Variants in PKNOX2 observed in about 807,000 individuals in gnomAD.
PKNOX2 encodes homeobox protein PKNOX2.
In PKNOX2, 14 loss-of-function variants were observed where a neutral mutation model predicts 53.1. The observed-to-expected ratio is 0.26, with a 90% CI of 0.17 to 0.41. The LOEUF (loss-of-function observed/expected upper bound fraction) is 0.41, where lower values mean the gene tolerates loss of function less well. Among genes scored for constraint, PKNOX2 ranks in the 10% least tolerant of loss-of-function variants. The probability of loss-of-function intolerance (pLI) is 1.00; values close to 1 mark genes in which losing one functional copy is unlikely to be tolerated. For synonymous variants in PKNOX2, 257 were observed against 242.8 expected, an observed-to-expected ratio of 1.06 and a Z score of -0.54; for missense variants, 496 against 602.8, an observed-to-expected ratio of 0.82 and a Z score of 1.85.
At chr11:125,343,177 T>C (rs1264442779) in intron 3 of PKNOX2, among the ~76,000 whole-genome samples, 2 of 152,012 alleles carry the variant, frequency 1.3e-5, no homozygotes, top group Non-Finnish European at 2.9e-5. Flanking sequence ...AAGTTGAACA[T>C]CACTGGCAAA....
chr11:125,267,987 G>A (rs540951104), intron 2 of PKNOX2, among the ~76,000 whole-genome samples: 1 of 152,346 alleles, frequency 6.6e-6, no homozygotes, highest in South Asian at 2.1e-4. Flanking sequence ...CACAGTATCT[G>A]ACAACTTAAA....
intron 6 of PKNOX2, among the ~76,000 whole-genome samples, chr11:125,391,401 G>A (rs1954044184): frequency 6.6e-6 from 1 of 152,220 alleles, no homozygotes; most frequent in Non-Finnish European, 1.5e-5. Flanking sequence ...CACACTGAGA[G>A]AGGCATTTGA....
intron 2 of PKNOX2, among the ~76,000 whole-genome samples, chr11:125,283,521 C>T (rs188881277): frequency 2.0e-5 from 3 of 152,292 alleles, no homozygotes; most frequent in Admixed American, 2.0e-4. Context: ...GTTTGAACAT[C>T]CAAGTGGAAT....
At chr11:125,315,303 G>GCAAAAA (rs1949087067) in intron 2 of PKNOX2, among the ~76,000 whole-genome samples, 1 of 79,456 alleles carries the variant, frequency 1.3e-5, no homozygotes, top group African/African-American at 3.9e-5. Context: ...TGTGAAGCAG[G>GCAAAAA]AAAAAAAAAA....
chr11:125,409,783 G>A (rs1039850520), intron 7 of PKNOX2, among the ~76,000 whole-genome samples: 13 of 151,976 alleles, frequency 8.6e-5, no homozygotes, highest in African/African-American at 2.2e-4. Flanking sequence ...TTAATAACCC[G>A]GAGCCCATTG....
chr11:125,292,304 G>A (rs1352342965), intron 2 of PKNOX2, among the ~76,000 whole-genome samples: 1 of 152,208 alleles, frequency 6.6e-6, no homozygotes, highest in Non-Finnish European at 1.5e-5. Flanking sequence ...TGGGGCTTGT[G>A]CCCCTGACAG....
chr11:125,394,127 G>A (rs543212578), intron 6 of PKNOX2, among the ~76,000 whole-genome samples: 9 of 152,288 alleles, frequency 5.9e-5, no homozygotes, highest in South Asian at 4.1e-4. Context: ...AATAAGAAAC[G>A]TTTGGGTATT....
intron 5 of PKNOX2, among the ~76,000 whole-genome samples, chr11:125,377,876 T>C (rs970434285): frequency 1.3e-5 from 2 of 152,244 alleles, no homozygotes; most frequent in African/African-American, 4.8e-5. Context: ...ATGCCACCCA[T>C]GGGCCGCGGG....
At chr11:125,348,525 C>T (rs528727382) in intron 3 of PKNOX2, among the ~76,000 whole-genome samples, 3 of 152,222 alleles carry the variant, frequency 2.0e-5, no homozygotes, top group Admixed American at 6.5e-5. Context: ...CTTCTTTCGA[C>T]GCGGGTCTGG....
At chr11:125,291,161 A>G (rs1000622036) in intron 2 of PKNOX2, among the ~76,000 whole-genome samples, 3 of 152,100 alleles carry the variant, frequency 2.0e-5, no homozygotes, top group Non-Finnish European at 2.9e-5. Flanking sequence ...ACTTCAATCA[A>G]TTGTCATCGC....
intron 1 of PKNOX2, among the ~76,000 whole-genome samples, chr11:125,177,881 A>C (rs952455499): frequency 3.3e-5 from 5 of 152,190 alleles, no homozygotes; most frequent in African/African-American, 1.2e-4. Flanking sequence ...GTCTTGGAAG[A>C]ACCAGACAGC....
In PKNOX2 at chr11:125,205,397, C is replaced by T. The variant is rs570946945; in HGVS notation, c.-200-29648C>T. ...CATGTTCTTCATGCAGCACATTCCT[C>T]AGTGTCTAGCAGGCCAGGCAGGCAG... On this transcript the variant is annotated intron_variant, in intron 1 of 12. Coordinates refer to ENST00000298282, the MANE Select transcript of PKNOX2 (RefSeq NM_001382323.2). Among the ~76,000 whole-genome samples the T allele has an allele frequency of 1.1e-4, 16 of 152,356 alleles. 2 individuals are homozygous for T. The South Asian group carries it at 3.3e-3, about 32-fold the overall frequency.
intron 7 of PKNOX2, among the ~76,000 whole-genome samples, chr11:125,408,350 G>A (rs1251114971): frequency 1.3e-5 from 2 of 152,238 alleles, no homozygotes; most frequent in Admixed American, 6.5e-5. Flanking sequence ...CGGGCTAGGC[G>A]GCTCCCACGG....
chr11:125,245,905 T>G (rs768262657), intron 2 of PKNOX2, among the ~76,000 whole-genome samples: 4 of 152,234 alleles, frequency 2.6e-5, no homozygotes, highest in African/African-American at 9.6e-5. Flanking sequence ...CCAGGGGTTT[T>G]GTTTTGTTTT....
rs73017950 is a variant in PKNOX2 at position 125,251,055 on chromosome 11, C to A, written c.-130+15940C>A. ...CTCTGGGCTGCGGGCGCCCCTCCAC[C>A]CCCTGGCAGCTTCTGGAGGGGGCCA... is the stretch of plus-strand genomic sequence containing the variant. On this transcript the variant is annotated intron_variant, in intron 2 of 12. Coordinates refer to ENST00000298282, the MANE Select transcript of PKNOX2 (RefSeq NM_001382323.2). 8.7e-3 allele frequency among the ~76,000 whole-genome samples: 1,328 copies of A among 152,350 alleles called. 19 individuals carry two copies. The highest frequency in any genetic ancestry group is 9.2e-3 in the Non-Finnish European group (629 of 68,038).
chr11:125,334,773 AT>A (rs112661411), intron 3 of PKNOX2, among the ~76,000 whole-genome samples: 90 of 145,076 alleles, frequency 6.2e-4, no homozygotes, highest in East Asian at 2.0e-3. Flanking sequence ...TGATTTTTGT[AT>A]TTTTTTTTTT....
chr11:125,225,828 G>A (rs1012369071), intron 1 of PKNOX2, among the ~76,000 whole-genome samples: 7 of 152,218 alleles, frequency 4.6e-5, no homozygotes, highest in African/African-American at 1.7e-4. Context: ...AGAGATGCAT[G>A]TGTTCTGCCC....
In PKNOX2 at chr11:125,166,335, T is replaced by C. The variant is rs1236943662; in HGVS notation, c.-201+1559T>C. 6.6e-6 allele frequency among the ~76,000 whole-genome samples: 1 copy of C among 152,206 alleles called. No homozygotes were observed. The highest frequency in any genetic ancestry group is 1.5e-5 in the Non-Finnish European group (1 of 68,040). ...CGATGAAAGTAGTTGATCTGAGCCA[T>C]GGCAGGCGAGCCCCGAATTTTTGCT... On this transcript the variant is annotated intron_variant, in intron 1 of 12. Transcript: ENST00000298282. The surrounding 1 kb of genome is among the most constrained non-coding windows in gnomAD (Gnocchi z 4.0).
chr11:125,431,469 G>C lies in PKNOX2; in HGVS notation c.*77G>C. The stretch of plus-strand genomic sequence containing the variant: ...GAGGCCTTCAGGGTGGGGGGGAAGG[G>C]GACATGGGCAGGAAGCACCGAGGGA... On this transcript the variant is annotated 3_prime_UTR_variant, in exon 13 of 13. Coordinates refer to ENST00000298282, the MANE Select transcript of PKNOX2 (RefSeq NM_001382323.2). The C allele has an allele frequency of 2.9e-5, 8 of 278,896 alleles. No individual in the cohort carries two copies. The highest frequency in any genetic ancestry group is 7.0e-5 in the South Asian group (2 of 28,382). The allele number at this position is 278,896 out of a possible 1,614,324, so 17.3% of individuals were successfully genotyped here. A position where few individuals can be genotyped will look rare whatever the true frequency, so the allele number is the denominator to read the frequency against.
Sources: allele counts gnomAD v4.1 joint callset (sites outside exome capture counted in the v4.1 genomes callset), GRCh38; gene constraint gnomAD v4.1.1; non-coding constraint Gnocchi (gnomAD v3.1); transcripts MANE v1.5; gene names NCBI Gene and HGNC (gene_info 2026-07-23, HGNC 2026-07-21).